THEMIS: variants seen among roughly 807,000 people sequenced by gnomAD.
THEMIS encodes the protein protein THEMIS.
In THEMIS, 37 loss-of-function variants were observed where a neutral mutation model predicts 52.6. The ratio of observed to expected loss-of-function variants is 0.70; its 90% confidence interval spans 0.54 to 0.93. The LOEUF (loss-of-function observed/expected upper bound fraction) is 0.93. THEMIS is among the 40% of genes least tolerant of loss of function. THEMIS has a pLI of 0.00. For missense variants in THEMIS, 808 were observed against 763.1 expected (o/e 1.06, Z -0.69); for synonymous variants, 292 against 272.7 (o/e 1.07, Z -0.70).
intron 4 of THEMIS, among the ~76,000 whole-genome samples, chr6:127,745,591 T>A (rs976817288): frequency 6.6e-6 from 1 of 151,890 alleles, no homozygotes. Flanking sequence ...TGGGGTCCAG[T>A]TCTATTTCAA....
In THEMIS at chr6:127,708,527, T is replaced by C. The variant is rs557211832; in HGVS notation, c.*1458A>G. ...GTCTAAAAACACCTATGGTGCAGTT[T>C]GTCAAGGCTGTTAGGTTAAGATTCG... On this transcript the variant is annotated 3_prime_UTR_variant, in exon 6 of 6. Transcript: ENST00000368248. The C allele has an allele frequency of 6.6e-6, 1 of 152,214 alleles. No homozygotes were observed. Among genetic ancestry groups the C allele is most frequent in the Non-Finnish European group, 1.5e-5 (1 of 67,964 alleles). 9.4% of individuals were successfully genotyped at this position (152,214 alleles called of 1,614,324 possible).
At chr6:127,698,040 A>G in the THEMIS span, among the ~76,000 whole-genome samples, 1 of 152,256 alleles carries the variant, frequency 6.6e-6, no homozygotes, top group East Asian at 1.9e-4. Context: ...TCGCCAATTA[A>G]TGATTTTGCT....
At chr6:127,707,533 CTGAAGTTTG>C (rs1213118229), downstream of THEMIS, among the ~76,000 whole-genome samples, 1 of 152,088 alleles carries the variant, frequency 6.6e-6, no homozygotes, top group Non-Finnish European at 1.5e-5. Flanking sequence ...ACAGAGATGA[CTGAAGTTTG>C]GACCACAGCA....
intron 4 of THEMIS, among the ~76,000 whole-genome samples, chr6:127,774,699 G>A (rs908043340): frequency 6.6e-6 from 1 of 152,164 alleles, no homozygotes; most frequent in Non-Finnish European, 1.5e-5. Flanking sequence ...CAAGGATGAT[G>A]CATTTTCCTC....
chr6:127,859,951 CAAG>C (rs1248895343), intron 1 of THEMIS, among the ~76,000 whole-genome samples: 1 of 152,060 alleles, frequency 6.6e-6, no homozygotes, highest in Non-Finnish European at 1.5e-5. Context: ...CACAAATTAT[CAAG>C]AAGGAGCATC....
chr6:127,711,189 T>C (rs1773970331), intron 5 of THEMIS, among the ~76,000 whole-genome samples: 1 of 151,976 alleles, frequency 6.6e-6, no homozygotes, highest in Non-Finnish European at 1.5e-5. Context: ...TTCTCATTTT[T>C]TTTTAAAGGA....
chr6:127,787,880 T>TAGATATAGATAG (rs200767496), intron 4 of THEMIS, among the ~76,000 whole-genome samples: 2,110 of 119,896 alleles, frequency 0.018, 50 homozygotes, highest in African/African-American at 0.048. Context: ...GATAGATAGA[T>TAGATATAGATAG]ATAGATAGAT....
At chr6:127,798,344 CAG>C in intron 4 of THEMIS, among the ~76,000 whole-genome samples, 1 of 151,880 alleles carries the variant, frequency 6.6e-6, no homozygotes, top group Middle Eastern at 3.4e-3. Flanking sequence ...AGTTAAGAAA[CAG>C]AATTTTTTTT....
intron 4 of THEMIS, among the ~76,000 whole-genome samples, chr6:127,806,175 T>C (rs563932731): frequency 2.0e-5 from 3 of 152,188 alleles, no homozygotes; most frequent in African/African-American, 4.8e-5. Flanking sequence ...GGAATTTCCA[T>C]GTAGTGGACA....
At chr6:127,818,947 A>T (rs955480659) in intron 3 of THEMIS, among the ~76,000 whole-genome samples, 1 of 151,694 alleles carries the variant, frequency 6.6e-6, no homozygotes, top group Non-Finnish European at 1.5e-5. Flanking sequence ...GTGAAACCCC[A>T]TCTCTAATAA....
At chr6:127,784,861 T>C (rs1776870002) in intron 4 of THEMIS, among the ~76,000 whole-genome samples, 1 of 152,114 alleles carries the variant, frequency 6.6e-6, no homozygotes, top group Admixed American at 6.5e-5. Flanking sequence ...GAGATTTCTA[T>C]CTCTAACAAC....
Position 127,813,527 on chromosome 6 carries a change from C to T in THEMIS, c.1114G>A (p.Ala372Thr), listed in dbSNP as rs144830633. ...AGCTTGTCATGAGGGGAATGAAACGCTTTGGTGGCCACCACGTGAAGAGGC... is the reference window on the plus strand; with the variant it reads ...AGCTTGTCATGAGGGGAATGAAACGTTTTGGTGGCCACCACGTGAAGAGGC... ...KEPLHVVATK[A>T]FHSPHDKLSS... The change falls in exon 4 of 6, where the codon GCG (alanine) becomes ACG (threonine). Residue 372 changes from alanine to threonine, a missense_variant. Ala to Thr is a moderately conservative substitution (Grantham distance 58). Coordinates refer to ENST00000368248, the MANE Select transcript of THEMIS (RefSeq NM_001010923.3). 25 of 1,613,322 alleles carry T rather than the reference C, an allele frequency of 1.5e-5. No individual in the cohort carries two copies. In the African/African-American group the frequency reaches 2.9e-4, roughly 19 times the overall value.
At chr6:127,819,694 T>C (rs115879613) in intron 3 of THEMIS, among the ~76,000 whole-genome samples, 2,165 of 152,158 alleles carry the variant, frequency 0.014, 56 homozygotes, top group African/African-American at 0.048. Flanking sequence ...AAATCATCCT[T>C]CAAAAGTAAA....
intron 4 of THEMIS, among the ~76,000 whole-genome samples, chr6:127,758,875 A>T (rs1217711323): frequency 6.6e-6 from 1 of 152,166 alleles, no homozygotes; most frequent in African/African-American, 2.4e-5. Flanking sequence ...AAGACTTTTG[A>T]GTCCAAAATT....
At chr6:127,831,992 C>T (rs1253502937) in intron 2 of THEMIS, among the ~76,000 whole-genome samples, 1 of 151,990 alleles carries the variant, frequency 6.6e-6, no homozygotes, top group Non-Finnish European at 1.5e-5. Flanking sequence ...AGTCCACAAT[C>T]ATTATGAGGG....
intron 1 of THEMIS, among the ~76,000 whole-genome samples, chr6:127,869,043 C>T (rs1207108722): frequency 6.6e-6 from 1 of 151,960 alleles, no homozygotes; most frequent in African/African-American, 2.4e-5. Flanking sequence ...GTGATAATAA[C>T]TATGAATGAA....
chr6:127,771,650 AT>A (rs1478072240), intron 4 of THEMIS, among the ~76,000 whole-genome samples: 1 of 152,152 alleles, frequency 6.6e-6, no homozygotes, highest in Non-Finnish European at 1.5e-5. Flanking sequence ...TTACCTTTAT[AT>A]TCTATAGAAA....
intron 2 of THEMIS, among the ~76,000 whole-genome samples, chr6:127,849,020 T>C (rs766748604): frequency 6.6e-6 from 1 of 152,146 alleles, no homozygotes; most frequent in Non-Finnish European, 1.5e-5. Flanking sequence ...TCCTGAATGA[T>C]ATTGCCTAGG....
chr6:127,853,312 A>C (rs1779496315), intron 2 of THEMIS, among the ~76,000 whole-genome samples: 2 of 151,704 alleles, frequency 1.3e-5, no homozygotes, highest in South Asian at 4.1e-4. Flanking sequence ...CATCTTATAA[A>C]GTAATGGTTC....
Sources: allele counts gnomAD v4.1 joint callset (sites outside exome capture counted in the v4.1 genomes callset), GRCh38; gene constraint gnomAD v4.1.1; transcripts MANE v1.5; gene names NCBI Gene and HGNC (gene_info 2026-07-23, HGNC 2026-07-21).